The following MLYCD variants were observed in gnomAD, a reference collection of about 807,000 sequenced individuals.
The protein encoded by MLYCD is malonyl-CoA decarboxylase, mitochondrial.
A neutral mutation model predicts 35.8 loss-of-function variants in MLYCD; 27 were observed. That is an observed-to-expected ratio of 0.75 (90% CI 0.56 to 1.04). The LOEUF is 1.04. Ranked by LOEUF, MLYCD falls within the 50% of genes least tolerant of loss-of-function variation. MLYCD has a pLI of 0.00. For synonymous variants in MLYCD, 403 were observed against 302.4 expected, an observed-to-expected ratio of 1.33 and a Z score of -3.45; for missense variants, 917 against 665.1, an observed-to-expected ratio of 1.38 and a Z score of -4.17.
At chr16:83,905,299 G>A (rs1906935724) in intron 1 of MLYCD, among the ~76,000 whole-genome samples, 1 of 151,984 alleles carries the variant, frequency 6.6e-6, no homozygotes, top group South Asian at 2.1e-4. Flanking sequence ...TATGACCCTT[G>A]TAGAGAGATT....
chr16:83,924,941 C>T lies in MLYCD; in HGVS notation c.*9452C>T, dbSNP rs1907760336. 1.3e-5 allele frequency: 2 copies of T among 152,400 alleles called. No individual in the cohort carries two copies. Among genetic ancestry groups the T allele is most frequent in the Admixed American group, 1.3e-4 (2 of 15,290 alleles). The allele number at this position is 152,400 out of a possible 1,614,324, so 9.4% of individuals were successfully genotyped here. A position where few individuals can be genotyped will look rare whatever the true frequency, so the allele number is the denominator to read the frequency against. ...CTGTGCTCCGCCACTCTTAGTCAGC[C>T]ATTCCTCTCGGCTTCCGGGAGTCCC... On this transcript the variant is annotated 3_prime_UTR_variant, in exon 5 of 5. Transcript: ENST00000262430.
chr16:83,900,816 G>A (rs1484331389), intron 1 of MLYCD, among the ~76,000 whole-genome samples: 4 of 152,100 alleles, frequency 2.6e-5, no homozygotes, highest in African/African-American at 4.8e-5. Flanking sequence ...TCAGTCTTAC[G>A]TGGGTGATAA....
At chr16:83,911,830 T>C (rs374587591) in intron 3 of MLYCD, 1 of 277,498 alleles carries the variant, frequency 3.6e-6, no homozygotes, top group Non-Finnish European at 7.0e-6. Flanking sequence ...TAGGAGAAGC[T>C]GAAGGAACTG....
rs1320300987 is a variant in MLYCD at position 83,917,833 on chromosome 16, A to C, written c.*2344A>C. ...GCCATGGACAGATCACCCATTCTCG[A>C]TCACTCCGGCAGCCTTTCGGATCCG... On this transcript the variant is annotated 3_prime_UTR_variant, in exon 5 of 5. Coordinates refer to ENST00000262430, the MANE Select transcript of MLYCD (RefSeq NM_012213.3). The C allele has an allele frequency of 6.6e-6, 1 of 151,968 alleles. No homozygotes were observed. Among genetic ancestry groups the C allele is most frequent in the Non-Finnish European group, 1.5e-5 (1 of 68,000 alleles). The allele number at this position is 151,968 out of a possible 1,614,324, so 9.4% of individuals were successfully genotyped here.
chr16:83,900,642 A>G (rs555233032), intron 1 of MLYCD, among the ~76,000 whole-genome samples: 1 of 148,064 alleles, frequency 6.8e-6, no homozygotes, highest in East Asian at 2.0e-4. Flanking sequence ...CCCAGGCTTA[A>G]CCTGCCCTTT....
intron 1 of MLYCD, 88 bp from the exon 2 acceptor site, chr16:83,906,899 T>A: frequency 9.2e-7 from 1 of 1,086,308 alleles, no homozygotes; most frequent in Non-Finnish European, 1.4e-6. Flanking sequence ...CGTGCTTGAG[T>A]GTTTTCATTC....
intron 1 of MLYCD, among the ~76,000 whole-genome samples, chr16:83,906,784 G>C (rs1232560625): frequency 6.6e-6 from 1 of 150,564 alleles, no homozygotes; most frequent in African/African-American, 2.5e-5. Context: ...TCTAAATAGA[G>C]CGTTGAACGA....
At position 83,899,182 on chromosome 16, in the gene MLYCD, T is replaced by G. The variant is rs1906682006; in HGVS notation, c.38T>G (p.Leu13Arg). ...GFGPGLTARRLLPLRLPPRPP... is the reference protein window; with the variant it reads ...GFGPGLTARRRLPLRLPPRPP... ...GGGCCAGGCTTGACGGCCAGGCGTC[T>G]CCTCCCGCTGCGGTTGCCCCCGCGG... The change falls in exon 1 of 5, where the codon CTC becomes CGC. Residue 13 changes from leucine (L) to arginine (R), a missense_variant. By Grantham distance (102) the Leu-to-Arg change is moderately radical (BLOSUM62 -2). Transcript: ENST00000262430. The G allele has an allele frequency of 6.8e-6, 8 of 1,170,438 alleles. No individual in the cohort carries two copies. The highest frequency in any genetic ancestry group is 4.6e-5 in the Admixed American group (1 of 21,820). 72.5% of individuals were successfully genotyped at this position (1,170,438 alleles called of 1,614,324 possible).
Position 83,918,676 on chromosome 16 carries a change from T to A in MLYCD, c.*3187T>A, listed in dbSNP as rs1907527828. ...CAGGAGAACACAGTGCACAGGAGAA[T>A]ACAGACTGCACAGAACACACGCACA... On this transcript the variant is annotated 3_prime_UTR_variant, in exon 5 of 5. Coordinates refer to ENST00000262430, the MANE Select transcript of MLYCD (RefSeq NM_012213.3). 1 of 120,030 alleles carries A rather than the reference T, an allele frequency of 8.3e-6. No individual in the cohort carries two copies. 7.4% of individuals were successfully genotyped at this position (120,030 alleles called of 1,614,324 possible).
rs773250350 is a variant in MLYCD at position 83,919,861 on chromosome 16, CAG to C, written c.*4373_*4374del. 3.3e-5 allele frequency: 5 copies of C among 151,752 alleles called. No homozygotes were observed. The highest frequency in any genetic ancestry group is 4.9e-5 in the African/African-American group (2 of 41,048). 9.4% of individuals were successfully genotyped at this position (151,752 alleles called of 1,614,324 possible). ...AGAACATGCAATGCACGGGAGAACACAGTGCAGAGAACACACACGCACTGCAC... is the reference window on the plus strand; with the variant it reads ...AGAACATGCAATGCACGGGAGAACACTGCAGAGAACACACACGCACTGCAC... On this transcript the variant is annotated 3_prime_UTR_variant, in exon 5 of 5. Coordinates refer to ENST00000262430, the MANE Select transcript of MLYCD (RefSeq NM_012213.3).
Position 83,916,284 on chromosome 16 carries a change from T to A in MLYCD, c.*795T>A, listed in dbSNP as rs1907383944. 1 of 785,632 alleles carries A rather than the reference T, an allele frequency of 1.3e-6. No individual in the cohort carries two copies. Among genetic ancestry groups the A allele is most frequent in the Non-Finnish European group, 1.5e-6 (1 of 645,944 alleles). The allele number at this position is 785,632 out of a possible 1,614,324, so 48.7% of individuals were successfully genotyped here. A position where few individuals can be genotyped will look rare whatever the true frequency, so the allele number is the denominator to read the frequency against. On this transcript the variant is annotated 3_prime_UTR_variant, in exon 5 of 5. Transcript: ENST00000262430. The stretch of plus-strand genomic sequence containing the variant: ...GAGTTTGGGATGAAGGAGCCTGGGG[T>A]GTGTTGGATGAGAACAAAGGTGAAG...
chr16:83,915,997 C>G lies in MLYCD; in HGVS notation c.*508C>G. On this transcript the variant is annotated 3_prime_UTR_variant, in exon 5 of 5. Transcript: ENST00000262430. The stretch of plus-strand genomic sequence containing the variant: ...CTGTGCTACACTTCCCAGTTACATT[C>G]TGAAGCTCATAAATGTATGAGAAGG... 1 of 1,009,978 alleles carries G rather than the reference C, an allele frequency of 9.9e-7. No individual in the cohort carries two copies. Among genetic ancestry groups the G allele is most frequent in the East Asian group, 8.9e-5 (1 of 11,202 alleles). 62.6% of individuals were successfully genotyped at this position (1,009,978 alleles called of 1,614,324 possible). A position where few individuals can be genotyped will look rare whatever the true frequency, so the allele number is the denominator to read the frequency against.
chr16:83,905,941 G>T (rs572394152), intron 1 of MLYCD, among the ~76,000 whole-genome samples: 2 of 152,358 alleles, frequency 1.3e-5, no homozygotes, highest in Non-Finnish European at 2.9e-5. Flanking sequence ...CAGTGCAGAT[G>T]TATCTTGGGT....
At chr16:83,911,192 G>A (rs1042488125) in intron 3 of MLYCD, among the ~76,000 whole-genome samples, 3 of 151,968 alleles carry the variant, frequency 2.0e-5, no homozygotes, top group Admixed American at 6.6e-5. Context: ...GTTAGCCAGG[G>A]TGGTCTCGAT....
In MLYCD at chr16:83,907,889, T is replaced by G. The variant is rs1240208016; in HGVS notation, c.642-237T>G. ...CTTCCCCGGAGCCTCACAAACTCCT[T>G]TTAAAACTGGGGTTAAAACTGGAGC... is the stretch of plus-strand genomic sequence containing the variant. On this transcript the variant is annotated intron_variant, in intron 2 of 4. Coordinates refer to ENST00000262430, the MANE Select transcript of MLYCD (RefSeq NM_012213.3). 2.0e-5 allele frequency among the ~76,000 whole-genome samples: 3 copies of G among 152,168 alleles called. No individual in the cohort carries two copies. In the South Asian group the frequency reaches 6.2e-4, roughly 32 times the overall value.
intron 1 of MLYCD, among the ~76,000 whole-genome samples, chr16:83,906,334 C>G (rs570213690): frequency 6.6e-6 from 1 of 152,096 alleles, no homozygotes; most frequent in Non-Finnish European, 1.5e-5. Context: ...AAGGCTGCAG[C>G]GAGCCGTGTT....
chr16:83,905,411 C>A (rs1171720464), intron 1 of MLYCD, among the ~76,000 whole-genome samples: 3 of 151,894 alleles, frequency 2.0e-5, no homozygotes, highest in Non-Finnish European at 4.4e-5. Flanking sequence ...AACAAAGACC[C>A]AAAATAACAG....
intron 1 of MLYCD, among the ~76,000 whole-genome samples, chr16:83,901,830 A>G (rs1369951206): frequency 6.6e-6 from 1 of 152,168 alleles, no homozygotes; most frequent in Non-Finnish European, 1.5e-5. Flanking sequence ...GGCTATTTAC[A>G]GAAGGGAAAA....
rs551063215 is a variant in MLYCD at position 83,905,693 on chromosome 16, C to T, written c.529-1294C>T. On this transcript the variant is annotated intron_variant, in intron 1 of 4. Transcript: ENST00000262430. Reference sequence around the variant, plus strand: ...TGTCTTTTCAAGTTCCCCAAAGTGGCTGCAGGAGACCTCTGCTTACCCCTC... The same window carrying T: ...TGTCTTTTCAAGTTCCCCAAAGTGGTTGCAGGAGACCTCTGCTTACCCCTC... Among the ~76,000 whole-genome samples, 65 of 152,344 alleles carry T rather than the reference C, an allele frequency of 4.3e-4. 1 individual carries two copies. The highest frequency in any genetic ancestry group is 1.5e-3 in the African/African-American group (64 of 41,578).
Sources: gnomAD v4.1 joint callset for allele counts (sites outside exome capture counted in the v4.1 genomes callset) on GRCh38, gnomAD v4.1.1 for gene constraint, MANE v1.5 for transcripts, NCBI Gene and HGNC (gene_info 2026-07-23, HGNC 2026-07-21) for gene names.